Variants in EGF observed in about 807,000 individuals in gnomAD.
The protein encoded by EGF is epidermal growth factor, also known as pro-epidermal growth factor.
A neutral mutation model predicts 143.8 loss-of-function variants in EGF; 95 were observed. The observed-to-expected ratio is 0.66, with a 90% CI of 0.56 to 0.78. The LOEUF (loss-of-function observed/expected upper bound fraction) is 0.78, where lower values mean the gene tolerates loss of function less well. Among genes scored for constraint, EGF ranks in the 30% least tolerant of loss-of-function variants. The pLI, the probability that EGF is intolerant of heterozygous loss-of-function variation, is 0.00. For synonymous variants in EGF, 510 were observed against 510.5 expected, an observed-to-expected ratio of 1.00 and a Z score of 0.01; for missense variants, 1,320 against 1,470.9, an observed-to-expected ratio of 0.90 and a Z score of 1.68.
At position 109,943,390 on chromosome 4, in the gene EGF, G is replaced by A. The variant is rs150361543; in HGVS notation, c.464G>A (p.Ser155Asn). Residue 155 changes from serine to asparagine, a missense_variant, in exon 3 of 24, where the codon AGT becomes AAT. By Grantham distance (46) the Ser-to-Asn change is conservative (BLOSUM62 1). This residue lies in a region of EGF where 1,186 missense variants were observed against 1,313.7 expected (regional missense o/e 0.90). Transcript: ENST00000265171. Reference sequence around the variant, plus strand: ...GGAAATAATTCCCACATTCTTTTAAGTGCTTTAAAATATCCTGCAAATGTA... The same window carrying A: ...GGAAATAATTCCCACATTCTTTTAAATGCTTTAAAATATCCTGCAAATGTA... The part of the protein sequence containing the change: ...MKGNNSHILL[S>N]ALKYPANVAV... The A allele has an allele frequency of 8.7e-5, 141 of 1,613,652 alleles. No individual in the cohort carries two copies. The highest frequency in any genetic ancestry group is 1.1e-4 in the Non-Finnish European group (131 of 1,179,790).
At chr4:109,951,367 C>T (rs1743892923) in intron 5 of EGF, among the ~76,000 whole-genome samples, 1 of 151,500 alleles carries the variant, frequency 6.6e-6, no homozygotes, top group African/African-American at 2.4e-5. Context: ...CAAACCCCAC[C>T]CCCCACAAAA....
intron 18 of EGF, among the ~76,000 whole-genome samples, chr4:109,991,560 G>A (rs1750942127): frequency 6.6e-6 from 1 of 152,140 alleles, no homozygotes; most frequent in African/African-American, 2.4e-5. Context: ...AAAATTGAGA[G>A]GAAGAGAGGC....
At chr4:109,917,819 C>T (rs1305842857) in intron 1 of EGF, among the ~76,000 whole-genome samples, 1 of 151,982 alleles carries the variant, frequency 6.6e-6, no homozygotes, top group East Asian at 1.9e-4. Context: ...GGGGTTTCAT[C>T]ATGTTGGCCA....
intron 5 of EGF, among the ~76,000 whole-genome samples, chr4:109,958,528 G>A (rs1483849022): frequency 6.6e-6 from 1 of 152,138 alleles, no homozygotes; most frequent in African/African-American, 2.4e-5. Flanking sequence ...AATTTGAGGA[G>A]CAGAGATATG....
At chr4:109,944,295 C>T (rs536516717) in intron 4 of EGF, among the ~76,000 whole-genome samples, 2 of 151,918 alleles carry the variant, frequency 1.3e-5, no homozygotes, top group African/African-American at 2.4e-5. Flanking sequence ...AAAAATTAGC[C>T]GGGCGTGGTG....
At chr4:109,963,100 G>A (rs541885786) in intron 8 of EGF, 73 bp from the exon 9 acceptor site, 31 of 1,503,942 alleles carry the variant, frequency 2.1e-5, no homozygotes, top group South Asian at 1.5e-4. Flanking sequence ...TGGTTGACTC[G>A]CCCCCATCCT....
chr4:109,942,305 T>C (rs1039398666), intron 2 of EGF, among the ~76,000 whole-genome samples: 2 of 152,246 alleles, frequency 1.3e-5, no homozygotes, highest in Non-Finnish European at 2.9e-5. Context: ...AAAGGACAAC[T>C]GTTAAAATTC....
chr4:109,927,848 T>TGTGTGTGTGA lies in EGF; in HGVS notation c.128-13097_128-13096insTGTGTGTGAG, dbSNP rs35084748. On this transcript the variant is annotated intron_variant, in intron 1 of 23. Coordinates refer to ENST00000265171, the MANE Select transcript of EGF (RefSeq NM_001963.6). ...GTGTGTGTGTGTGTGTGTGTGTGTG[T>TGTGTGTGTGA]GAAACATTTGGAAAAACTTTTCTAA... Among the ~76,000 whole-genome samples the TGTGTGTGTGA allele has an allele frequency of 6.1e-4, 87 of 142,550 alleles. 2 individuals are homozygous for TGTGTGTGTGA. Among genetic ancestry groups the TGTGTGTGTGA allele is most frequent in the African/African-American group, 2.1e-3 (83 of 38,674 alleles). The allele number at this position is 142,550 out of a possible 152,430, so 93.5% of individuals were successfully genotyped here. A position where few individuals can be genotyped will look rare whatever the true frequency, so the allele number is the denominator to read the frequency against.
intron 5 of EGF, among the ~76,000 whole-genome samples, chr4:109,953,611 T>C (rs1190767685): frequency 2.0e-5 from 3 of 152,246 alleles, no homozygotes; most frequent in African/African-American, 7.2e-5. Context: ...TTTTTAAAAA[T>C]AATTGACATT....
At chr4:110,002,062 C>T (rs1325406881) in intron 21 of EGF, 1 of 984,450 alleles carries the variant, frequency 1.0e-6, no homozygotes, top group African/African-American at 1.7e-5. Context: ...ACAGCTCTAA[C>T]ATTGAGTTTT....
Position 109,941,575 on chromosome 4 carries a change from G to A in EGF, c.327+430G>A, listed in dbSNP as rs115224419. Among the ~76,000 whole-genome samples, 768 of 152,240 alleles carry A rather than the reference G, an allele frequency of 5.0e-3. 7 individuals are homozygous for A. Among genetic ancestry groups the A allele is most frequent in the African/African-American group, 0.018 (737 of 41,548 alleles). On this transcript the variant is annotated intron_variant, in intron 2 of 23. Coordinates refer to ENST00000265171, the MANE Select transcript of EGF (RefSeq NM_001963.6). ...GAGGTAGGAAGGTGGAGACGATACA[G>A]GCATCTAGTGGGTAGAGGCCTGGGA... is the stretch of plus-strand genomic sequence containing the variant.
chr4:109,943,442 T>A lies in EGF; in HGVS notation c.509+7T>A, dbSNP rs1166558831. 1.9e-6 allele frequency: 3 copies of A among 1,611,244 alleles called. No homozygotes were observed. The highest frequency in any genetic ancestry group is 2.5e-6 in the Non-Finnish European group (3 of 1,177,526). On this transcript the variant is annotated splice_region_variant and intron_variant, in intron 3 of 23. Coordinates refer to ENST00000265171, the MANE Select transcript of EGF (RefSeq NM_001963.6). Reference sequence around the variant, plus strand: ...CAGTTGATCCAGTAGAAAGGTAAATTCTGCTGTATTCAGACATTGAAATAT... The same window carrying A: ...CAGTTGATCCAGTAGAAAGGTAAATACTGCTGTATTCAGACATTGAAATAT...
In EGF at chr4:109,980,796, A is replaced by T. The variant is rs1411363637; in HGVS notation, c.2222-30A>T. ...TGGCATCCTTTTCATCTTCAAACCC[A>T]CTTGTGAATTTGTTTCTTTTCTCTA... On this transcript the variant is annotated intron_variant, in intron 14 of 23. Transcript: ENST00000265171. The T allele has an allele frequency of 1.9e-6, 3 of 1,613,612 alleles. No individual in the cohort carries two copies. The Admixed American group carries it at 5.0e-5, about 27-fold the overall frequency.
intron 5 of EGF, among the ~76,000 whole-genome samples, chr4:109,958,789 G>A (rs1014531048): frequency 6.6e-6 from 1 of 151,802 alleles, no homozygotes; most frequent in Non-Finnish European, 1.5e-5. Flanking sequence ...GTGGTGGTGT[G>A]CACCTGTAAT....
intron 8 of EGF, 94 bp from the exon 9 acceptor site, chr4:109,963,079 A>C: frequency 6.7e-7 from 1 of 1,502,256 alleles, no homozygotes. Flanking sequence ...AAAAAAAAAA[A>C]AATTAACAAA....
At chr4:110,008,305 C>A in intron 23 of EGF, 75 bp downstream of exon 23, 2 of 1,504,336 alleles carry the variant, frequency 1.3e-6, no homozygotes, top group South Asian at 1.1e-5. Flanking sequence ...TGAAAAGTCT[C>A]ATTTAACCAC....
At chr4:109,954,729 A>G (rs1315656139) in intron 5 of EGF, among the ~76,000 whole-genome samples, 1 of 152,234 alleles carries the variant, frequency 6.6e-6, no homozygotes, top group African/African-American at 2.4e-5. Flanking sequence ...ATGCAAATGC[A>G]TAAATATAAA....
chr4:109,930,775 T>C (rs1739549024), intron 1 of EGF, among the ~76,000 whole-genome samples: 1 of 152,218 alleles, frequency 6.6e-6, no homozygotes, highest in Non-Finnish European at 1.5e-5. Flanking sequence ...GCTTCCTACT[T>C]CAAGCAAAGC....
intron 5 of EGF, among the ~76,000 whole-genome samples, chr4:109,953,645 T>C (rs562801423): frequency 6.6e-6 from 1 of 152,350 alleles, no homozygotes; most frequent in African/African-American, 2.4e-5. Flanking sequence ...ATTATTACCA[T>C]TTTGATACTC....
Sources: gnomAD v4.1 joint callset for allele counts (sites outside exome capture counted in the v4.1 genomes callset) on GRCh38, gnomAD v4.1.1 for gene constraint, gnomAD v4.1.1 regional missense constraint, MANE v1.5 for transcripts, NCBI Gene and HGNC (gene_info 2026-07-23, HGNC 2026-07-21) for gene names.